VWF: variants seen among roughly 807,000 people sequenced by gnomAD.
VWF encodes the protein Factor VIII related antigen.
Under a neutral mutation model 308.6 loss-of-function variants are expected in VWF, and 176 were observed. The observed-to-expected ratio is 0.57, with a 90% CI of 0.50 to 0.65. VWF has a LOEUF of 0.65. Ranked by LOEUF, VWF falls within the 30% of genes least tolerant of loss-of-function variation. The probability of loss-of-function intolerance (pLI) is 0.00; values close to 1 mark genes in which losing one functional copy is unlikely to be tolerated. For synonymous variants in VWF, 1,385 were observed against 1,443.4 expected, an observed-to-expected ratio of 0.96 and a Z score of 0.92; for missense variants, 3,146 against 3,648.2, an observed-to-expected ratio of 0.86 and a Z score of 3.55.
chr12:6,049,395 C>T (rs2136445899), intron 16 of VWF, among the ~76,000 whole-genome samples: 1 of 152,266 alleles, frequency 6.6e-6, no homozygotes, highest in African/African-American at 2.4e-5. Context: ...GGTCACTCCC[C>T]AACCCTGTTC....
At chr12:5,963,940 G>A (rs1185706130) in intron 47 of VWF, among the ~76,000 whole-genome samples, 6 of 152,196 alleles carry the variant, frequency 3.9e-5, no homozygotes, top group Non-Finnish European at 5.9e-5. Flanking sequence ...AGGCGCAGTG[G>A]CTCACGCCTG....
intron 6 of VWF, among the ~76,000 whole-genome samples, chr12:6,081,328 T>A (rs1400912926): frequency 1.3e-5 from 2 of 148,166 alleles, no homozygotes; most frequent in East Asian, 3.9e-4. Context: ...ACTAGGCCAG[T>A]GGTGTTTTTT....
chr12:6,021,995 A>C lies in VWF; in HGVS notation c.3579T>G (p.Pro1193=), dbSNP rs16933969. Residue 1193 remains proline, a synonymous_variant, in exon 27 of 52, where the codon CCT becomes CCG. Transcript: ENST00000261405. ...LDELLQTCVD[P]EDCPVCEVAG... ...CCACCTCACACACTGGACAGTCTTCAGGGTCAACGCAGGTCTGCAAAAGCT... is the reference window on the plus strand; with the variant it reads ...CCACCTCACACACTGGACAGTCTTCCGGGTCAACGCAGGTCTGCAAAAGCT... 1.2e-6 allele frequency: 2 copies of C among 1,614,120 alleles called. No homozygotes were observed. Among genetic ancestry groups the C allele is most frequent in the South Asian group, 2.2e-5 (2 of 91,088 alleles).
chr12:6,092,173 C>A (rs1208346809), intron 6 of VWF, among the ~76,000 whole-genome samples: 1 of 152,116 alleles, frequency 6.6e-6, no homozygotes, highest in African/African-American at 2.4e-5. Context: ...AACGGACTCC[C>A]CCTTGGCCAA....
At chr12:6,017,379 T>A (rs1944075213) in intron 28 of VWF, among the ~76,000 whole-genome samples, 1 of 152,206 alleles carries the variant, frequency 6.6e-6, no homozygotes, top group Non-Finnish European at 1.5e-5. Flanking sequence ...TTTGATGAAA[T>A]GATGTAATTG....
At chr12:6,051,797 G>A (rs1944516896) in intron 16 of VWF, among the ~76,000 whole-genome samples, 1 of 151,838 alleles carries the variant, frequency 6.6e-6, no homozygotes, top group African/African-American at 2.4e-5. Context: ...TTGTATTTAG[G>A]GACAGGGCCT....
At chr12:5,984,147 T>C (rs1943650289) in intron 40 of VWF, among the ~76,000 whole-genome samples, 1 of 152,218 alleles carries the variant, frequency 6.6e-6, no homozygotes, top group Non-Finnish European at 1.5e-5. Flanking sequence ...TTCTGGAAGG[T>C]GGGAACTCTA....
In VWF at chr12:5,952,462, C is replaced by G; in HGVS notation, c.8044G>C (p.Gly2682Arg). 1 of 1,614,178 alleles carries G rather than the reference C, an allele frequency of 6.2e-7. No individual in the cohort carries two copies. The highest frequency in any genetic ancestry group is 1.7e-5 in the Admixed American group (1 of 60,028). ...ACCCTCTTCTCCCAGAAGTACTCTCCTCTCTCATTGACCTTGCAGAAGTGA... is the reference window on the plus strand; with the variant it reads ...ACCCTCTTCTCCCAGAAGTACTCTCGTCTCTCATTGACCTTGCAGAAGTGA... ...DTHFCKVNER[G>R]EYFWEKRVTG... The change falls in exon 49 of 52, where the codon GGA (glycine) becomes CGA (arginine). Residue 2682 changes from glycine to arginine, a missense_variant. Gly to Arg is a moderately radical substitution (Grantham distance 125, BLOSUM62 -2). Coordinates refer to ENST00000261405, the MANE Select transcript of VWF (RefSeq NM_000552.5).
In VWF at chr12:6,020,021, CGTT is replaced by C. The variant is rs1455913724; in HGVS notation, c.3675-281_3675-279del. On this transcript the variant is annotated intron_variant, in intron 27 of 51. Transcript: ENST00000261405. The surrounding 1 kb of genome is among the most constrained non-coding windows in gnomAD (Gnocchi z 4.3). The stretch of plus-strand genomic sequence containing the variant: ...ATCCTAGGATATGAAAAAATATACT[CGTT>C]GTTCTAGGCCATCCACACAACCACT... Among the ~76,000 whole-genome samples the C allele has an allele frequency of 2.6e-5, 4 of 152,196 alleles. No individual in the cohort carries two copies. The highest frequency in any genetic ancestry group is 5.9e-5 in the Non-Finnish European group (4 of 68,042).
rs1345983644 is a variant in VWF at position 5,971,856 on chromosome 12, G to A, written c.7438-147C>T. 4.0e-6 allele frequency: 3 copies of A among 743,294 alleles called. No homozygotes were observed. In the African/African-American group the frequency reaches 5.2e-5, roughly 13 times the overall value. The allele number at this position is 743,294 out of a possible 1,614,324, so 46.0% of individuals were successfully genotyped here. ...TCATCTTTGTTGTCAACCAGCCTCA[G>A]GGCCATGCCAAGAAGCAGCAACCAC... is the stretch of plus-strand genomic sequence containing the variant. On this transcript the variant is annotated intron_variant, in intron 43 of 51. Transcript: ENST00000261405.
Position 6,033,292 on chromosome 12 carries a change from C to G in VWF, c.2685+1396G>C, listed in dbSNP as rs949539181. ...GAGGATGGCAGAAAGGGGAGGGGCC[C>G]CAGGACAATGCATCAGAAGACAACA... On this transcript the variant is annotated intron_variant, in intron 20 of 51. Transcript: ENST00000261405. 1.2e-4 allele frequency among the ~76,000 whole-genome samples: 19 copies of G among 152,206 alleles called. 1 individual carries two copies. The highest frequency in any genetic ancestry group is 6.8e-3 in the Middle Eastern group (2 of 294).
chr12:6,102,562 C>G (rs539476693), intron 5 of VWF, among the ~76,000 whole-genome samples: 1 of 152,074 alleles, frequency 6.6e-6, no homozygotes, highest in Non-Finnish European at 1.5e-5. Context: ...CGGTGAAACC[C>G]CGTCTCTACT....
intron 14 of VWF, among the ~76,000 whole-genome samples, chr12:6,057,282 T>C (rs1405969392): frequency 6.7e-6 from 1 of 149,262 alleles, no homozygotes; most frequent in Non-Finnish European, 1.5e-5. Flanking sequence ...TGCAGTAGAC[T>C]GGGAAGGTCG....
intron 13 of VWF, 57 bp downstream of exon 13, chr12:6,062,897 A>C (rs1293735423): frequency 7.0e-7 from 1 of 1,420,190 alleles, no homozygotes; most frequent in African/African-American, 1.4e-5. Flanking sequence ...CCAGAGCACA[A>C]GGGGTACTTT....
In VWF at chr12:6,122,925, T is replaced by G. The variant is rs528330866; in HGVS notation, c.55+217A>C. 11 of 752,570 alleles carry G rather than the reference T, an allele frequency of 1.5e-5. No individual in the cohort carries two copies. In the Admixed American group the frequency reaches 1.9e-4, roughly 13 times the overall value. The allele number at this position is 752,570 out of a possible 1,614,324, so 46.6% of individuals were successfully genotyped here. On this transcript the variant is annotated intron_variant, in intron 2 of 51. Coordinates refer to ENST00000261405, the MANE Select transcript of VWF (RefSeq NM_000552.5). ...CAGTTCTGTGCCACCTTTATGCTTC[T>G]TAATTCCCCAACAGGAGATGGCATT...
chr12:6,103,380 A>ACACACG (rs1945191792), intron 5 of VWF, among the ~76,000 whole-genome samples: 2 of 135,504 alleles, frequency 1.5e-5, no homozygotes, highest in African/African-American at 3.0e-5. Context: ...GTGTGTGTGT[A>ACACACG]TACACGTGTG....
chr12:5,990,868 T>TAAAA lies in VWF; in HGVS notation c.6798+947_6798+950dup, dbSNP rs755717764. On this transcript the variant is annotated intron_variant, in intron 38 of 51. Coordinates refer to ENST00000261405, the MANE Select transcript of VWF (RefSeq NM_000552.5). ...ATACACTCAATAACTCCCATAGAGCTAAAAAAAAAAAAAAAAAAAAAAAAA... is the reference window on the plus strand; with the variant it reads ...ATACACTCAATAACTCCCATAGAGCTAAAAAAAAAAAAAAAAAAAAAAAAAAAAA... Among the ~76,000 whole-genome samples the TAAAA allele has an allele frequency of 8.2e-3, 258 of 31,342 alleles. 14 individuals carry two copies. Among genetic ancestry groups the TAAAA allele is most frequent in the Non-Finnish European group, 9.5e-3 (180 of 18,916 alleles). 20.6% of individuals were successfully genotyped at this position (31,342 alleles called of 152,430 possible). A position where few individuals can be genotyped will look rare whatever the true frequency, so the allele number is the denominator to read the frequency against.
At chr12:5,965,071 G>A (rs765592167) in intron 47 of VWF, among the ~76,000 whole-genome samples, 6 of 152,164 alleles carry the variant, frequency 3.9e-5, no homozygotes, top group South Asian at 2.1e-4. Context: ...CTGGCTGGGG[G>A]TATGTGTTCC....
Position 6,018,402 on chromosome 12 carries a change from T to C in VWF, c.5016A>G (p.Gly1672=). 1 of 1,610,856 alleles carries C rather than the reference T, an allele frequency of 6.2e-7. No homozygotes were observed. Among genetic ancestry groups the C allele is most frequent in the Non-Finnish European group, 8.5e-7 (1 of 1,179,342 alleles). The part of the protein sequence containing the change: ...PDLVLQRCCS[G]EGLQIPTLSP... ...AGAGGGTGGGGATCTGCAGCCCCTCTCCGGAGCAGCACCTCTGCAGCACCA... is the reference window on the plus strand; with the variant it reads ...AGAGGGTGGGGATCTGCAGCCCCTCCCCGGAGCAGCACCTCTGCAGCACCA... Residue 1672 remains glycine, a synonymous_variant, in exon 28 of 52, where the codon GGA becomes GGG. Coordinates refer to ENST00000261405, the MANE Select transcript of VWF (RefSeq NM_000552.5).
Sources: allele counts gnomAD v4.1 joint callset (sites outside exome capture counted in the v4.1 genomes callset), GRCh38; gene constraint gnomAD v4.1.1; non-coding constraint Gnocchi (gnomAD v3.1); transcripts MANE v1.5; gene names NCBI Gene and HGNC (gene_info 2026-07-23, HGNC 2026-07-21).